Variants in CACNA2D3 observed in about 807,000 individuals in gnomAD.
CACNA2D3 encodes the protein calcium voltage-gated channel auxiliary subunit alpha2delta 3.
CACNA2D3 carries 60 observed loss-of-function variants against 160.6 expected under a neutral mutation model. That is an observed-to-expected ratio of 0.37 (90% CI 0.30 to 0.46). CACNA2D3 has a LOEUF of 0.46. Among genes scored for constraint, CACNA2D3 ranks in the 20% least tolerant of loss-of-function variants. CACNA2D3 has a pLI of 1.00. For missense variants in CACNA2D3, 1,205 were observed against 1,365.0 expected, an observed-to-expected ratio of 0.88 and a Z score of 1.85; for synonymous variants, 558 against 492.9, an observed-to-expected ratio of 1.13 and a Z score of -1.75.
chr3:54,950,619 G>T (rs1184227358), intron 27 of CACNA2D3, among the ~76,000 whole-genome samples: 1 of 152,182 alleles, frequency 6.6e-6, no homozygotes, highest in Non-Finnish European at 1.5e-5. Context: ...GAGTGGACCT[G>T]CACAGCTCCA....
intron 2 of CACNA2D3, among the ~76,000 whole-genome samples, chr3:54,288,081 A>G (rs1249628231): frequency 6.6e-6 from 1 of 152,056 alleles, no homozygotes; most frequent in Non-Finnish European, 1.5e-5. Context: ...TCAGAGCAGA[A>G]CTGAAGGAAA....
intron 13 of CACNA2D3, among the ~76,000 whole-genome samples, chr3:54,785,434 C>G (rs1032743127): frequency 6.6e-6 from 1 of 152,034 alleles, no homozygotes; most frequent in Non-Finnish European, 1.5e-5. Context: ...ATGTGCATGT[C>G]TTATTATTTC....
chr3:55,054,696 T>G (rs767484935), intron 35 of CACNA2D3, among the ~76,000 whole-genome samples: 3 of 151,904 alleles, frequency 2.0e-5, no homozygotes, highest in African/African-American at 4.8e-5. Context: ...CTGTTGACTA[T>G]TTTGTCACAT....
At chr3:54,409,569 T>A (rs1699631785) in intron 4 of CACNA2D3, among the ~76,000 whole-genome samples, 1 of 152,182 alleles carries the variant, frequency 6.6e-6, no homozygotes, top group Admixed American at 6.5e-5. Flanking sequence ...GAGGAAGGCA[T>A]GTTGAAAGCA....
chr3:54,294,808 G>A (rs998108594), intron 2 of CACNA2D3, among the ~76,000 whole-genome samples: 2 of 152,214 alleles, frequency 1.3e-5, no homozygotes, highest in African/African-American at 4.8e-5. Flanking sequence ...GACCTGCTGT[G>A]GAGTGTGGTG....
intron 2 of CACNA2D3, among the ~76,000 whole-genome samples, chr3:54,286,929 A>G (rs1479551296): frequency 2.0e-5 from 3 of 152,230 alleles, no homozygotes; most frequent in Non-Finnish European, 4.4e-5. Context: ...TGAAAGAAGC[A>G]CTAAACATGG....
intron 13 of CACNA2D3, among the ~76,000 whole-genome samples, chr3:54,814,600 T>A (rs1703407752): frequency 6.6e-6 from 1 of 152,230 alleles, no homozygotes; most frequent in Non-Finnish European, 1.5e-5. Context: ...AGCTGTAATT[T>A]ACATTATTTA....
At chr3:54,244,483 C>T (rs1194307103) in intron 2 of CACNA2D3, among the ~76,000 whole-genome samples, 1 of 152,230 alleles carries the variant, frequency 6.6e-6, no homozygotes, top group Non-Finnish European at 1.5e-5. Flanking sequence ...GCTGCAGACT[C>T]ACTGGCTGAG....
chr3:54,774,243 T>C (rs991759002), intron 13 of CACNA2D3, among the ~76,000 whole-genome samples: 14 of 152,178 alleles, frequency 9.2e-5, no homozygotes, highest in African/African-American at 3.1e-4. Context: ...TACCCGAGAC[T>C]GAGACTGGGT....
chr3:54,763,734 T>C (rs1238983996), intron 12 of CACNA2D3, among the ~76,000 whole-genome samples: 1 of 61,184 alleles, frequency 1.6e-5, no homozygotes, highest in Non-Finnish European at 4.4e-5. Context: ...TACATATATA[T>C]GTGTATATAT....
chr3:54,190,877 A>C (rs1291155192), intron 2 of CACNA2D3, among the ~76,000 whole-genome samples: 1 of 152,090 alleles, frequency 6.6e-6, no homozygotes, highest in Non-Finnish European at 1.5e-5. Context: ...CTTGGATAAA[A>C]GACTTAACCT....
intron 10 of CACNA2D3, among the ~76,000 whole-genome samples, chr3:54,635,877 G>T (rs959211815): frequency 6.6e-6 from 1 of 152,042 alleles, no homozygotes; most frequent in African/African-American, 2.4e-5. Context: ...TGACAGAACG[G>T]AAGAAATGAC....
intron 4 of CACNA2D3, among the ~76,000 whole-genome samples, chr3:54,459,091 A>C (rs1376752336): frequency 6.6e-6 from 1 of 152,140 alleles, no homozygotes; most frequent in Non-Finnish European, 1.5e-5. Context: ...GTCCCTACAA[A>C]GGACATGAAC....
At chr3:54,369,736 T>A (rs1434726403) in intron 3 of CACNA2D3, among the ~76,000 whole-genome samples, 1 of 152,228 alleles carries the variant, frequency 6.6e-6, no homozygotes, top group Non-Finnish European at 1.5e-5. Context: ...AGATTCTGTC[T>A]CCTCTGTGAA....
intron 2 of CACNA2D3, among the ~76,000 whole-genome samples, chr3:54,152,258 G>T (rs941256835): frequency 1.3e-5 from 2 of 152,170 alleles, no homozygotes; most frequent in African/African-American, 4.8e-5. Context: ...CAGAAGCGGG[G>T]GCATTGTGCT....
At chr3:54,745,373 T>C (rs1199898622) in intron 11 of CACNA2D3, among the ~76,000 whole-genome samples, 2 of 151,932 alleles carry the variant, frequency 1.3e-5, no homozygotes, top group African/African-American at 4.8e-5. Flanking sequence ...AGGGAGGTGA[T>C]TGGAGGCATG....
At chr3:54,257,903 G>A (rs1167153364) in intron 2 of CACNA2D3, among the ~76,000 whole-genome samples, 1 of 152,190 alleles carries the variant, frequency 6.6e-6, no homozygotes, top group Non-Finnish European at 1.5e-5. Flanking sequence ...ATTAGAAAAT[G>A]GGGATAGTCC....
intron 13 of CACNA2D3, among the ~76,000 whole-genome samples, chr3:54,791,367 A>G (rs990462481): frequency 1.3e-5 from 2 of 152,254 alleles, no homozygotes; most frequent in Non-Finnish European, 2.9e-5. Flanking sequence ...TTCAGAGCAG[A>G]TGCAAAGACA....
At chr3:54,707,221 A>G (rs1700873324) in intron 11 of CACNA2D3, among the ~76,000 whole-genome samples, 1 of 152,262 alleles carries the variant, frequency 6.6e-6, no homozygotes, top group African/African-American at 2.4e-5. Context: ...TAATGAATTC[A>G]GATCTAATTG....
Sources: allele counts gnomAD v4.1 joint callset (sites outside exome capture counted in the v4.1 genomes callset), GRCh38; gene constraint gnomAD v4.1.1; transcripts MANE v1.5; gene names NCBI Gene and HGNC (gene_info 2026-07-23, HGNC 2026-07-21).